Variants in DDX6 observed in about 807,000 individuals in gnomAD.
DDX6 encodes probable ATP-dependent RNA helicase DDX6.
Under a neutral mutation model 60.6 loss-of-function variants are expected in DDX6, and 7 were observed. The ratio of observed to expected loss-of-function variants is 0.12; its 90% CI spans 0.07 to 0.22. DDX6 has a LOEUF of 0.22. Among genes scored for constraint, DDX6 ranks in the 10% least tolerant of loss-of-function variants. The probability of loss-of-function intolerance (pLI) is 1.00; values close to 1 mark genes in which losing one functional copy is unlikely to be tolerated. For missense variants in DDX6, 270 were observed against 589.9 expected (o/e 0.46, Z 5.62); for synonymous variants, 207 against 201.0 (o/e 1.03, Z -0.25).
rs144020348 is a variant in DDX6, at chr11:118,764,631, C to T, written c.646+578G>A. Among the ~76,000 whole-genome samples the T allele has an allele frequency of 4.8e-3, 726 of 152,108 alleles. 8 individuals carry two copies. The highest frequency in any genetic ancestry group is 0.027 in the Middle Eastern group (8 of 294). ...CATCCTGGCTAATACGGTGAAACCCCGTCTCTACTAAAAACACAAAAATTT... is the reference window on the plus strand; with the variant it reads ...CATCCTGGCTAATACGGTGAAACCCTGTCTCTACTAAAAACACAAAAATTT... On this transcript the variant is annotated intron_variant, in intron 6 of 13. Coordinates refer to ENST00000534980, the MANE Select transcript of DDX6 (RefSeq NM_004397.6).
chr11:118,768,129 G>A, intron 5 of DDX6, 94 bp downstream of exon 5: 4 of 1,213,118 alleles, frequency 3.3e-6, no homozygotes, highest in Middle Eastern at 2.1e-4. Context: ...TTTAGATAAT[G>A]TAAATTCTGA....
At chr11:118,764,265 G>A (rs1945296869) in intron 6 of DDX6, among the ~76,000 whole-genome samples, 1 of 152,064 alleles carries the variant, frequency 6.6e-6, no homozygotes, top group Non-Finnish European at 1.5e-5. Context: ...CATTCTTGCT[G>A]TTTTGTTACC....
chr11:118,763,228 A>G lies in DDX6; in HGVS notation c.725T>C (p.Met242Thr). ...AGACATTACCTCATCCAATACTATCATCTGGACATGATCAACCTTTGCTAC... is the reference window on the plus strand; with the variant it reads ...AGACATTACCTCATCCAATACTATCGTCTGGACATGATCAACCTTTGCTAC... ...KGVAKVDHVQMIVLDEADKLL... is the reference protein window; with the variant it reads ...KGVAKVDHVQTIVLDEADKLL... The change falls in exon 7 of 14, where the codon ATG becomes ACG. Residue 242 changes from methionine (M) to threonine (T), a missense_variant. Coordinates refer to ENST00000534980, the MANE Select transcript of DDX6 (RefSeq NM_004397.6). 1.2e-6 allele frequency: 2 copies of G among 1,607,408 alleles called. No homozygotes were observed. Among genetic ancestry groups the G allele is most frequent in the Non-Finnish European group, 1.7e-6 (2 of 1,177,008 alleles).
At chr11:118,752,548 G>A (rs782133534) in intron 13 of DDX6, among the ~76,000 whole-genome samples, 23 of 152,178 alleles carry the variant, frequency 1.5e-4, no homozygotes, top group Non-Finnish European at 3.1e-4. Flanking sequence ...TGAGGTGGGC[G>A]GATCACCTGA....
chr11:118,772,902 T>C (rs782645889), intron 4 of DDX6, among the ~76,000 whole-genome samples: 2 of 152,204 alleles, frequency 1.3e-5, no homozygotes, highest in Non-Finnish European at 2.9e-5. Flanking sequence ...AGCCAAGTGG[T>C]AGACACATAG....
At chr11:118,773,857 A>G (rs1366326330) in intron 4 of DDX6, among the ~76,000 whole-genome samples, 2 of 146,164 alleles carry the variant, frequency 1.4e-5, no homozygotes, top group African/African-American at 4.9e-5. Flanking sequence ...AAAACAAAAC[A>G]CACACCAAAA....
chr11:118,769,838 G>C (rs1259368939), intron 4 of DDX6, among the ~76,000 whole-genome samples: 2 of 151,746 alleles, frequency 1.3e-5, no homozygotes, highest in Admixed American at 6.6e-5. Flanking sequence ...CTGAGTAGCT[G>C]GGACTACAGG....
intron 13 of DDX6, among the ~76,000 whole-genome samples, chr11:118,753,929 T>A (rs1187513101): frequency 6.6e-6 from 1 of 151,790 alleles, no homozygotes; most frequent in Admixed American, 6.6e-5. Flanking sequence ...ACTCCAACTC[T>A]ACTAAAAAAT....
chr11:118,787,495 A>AAC (rs1330830845), intron 1 of DDX6: 1 of 151,132 alleles, frequency 6.6e-6, no homozygotes, highest in Non-Finnish European at 1.5e-5. Flanking sequence ...AAGAAAAAAA[A>AAC]AACAAAAAAC....
intron 2 of DDX6, among the ~76,000 whole-genome samples, chr11:118,784,087 CAAA>C (rs61356183): frequency 3.1e-5 from 4 of 128,610 alleles, no homozygotes; most frequent in African/African-American, 6.0e-5. Flanking sequence ...GACCCTGTCT[CAAA>C]AAAAAAAAAA....
intron 2 of DDX6, among the ~76,000 whole-genome samples, chr11:118,781,402 T>TC (rs1861895264): frequency 6.6e-6 from 1 of 152,190 alleles, no homozygotes; most frequent in South Asian, 2.1e-4. Flanking sequence ...AAGGCATCCA[T>TC]CCTCTTAAGC....
At chr11:118,769,676 A>AC (rs372153407) in intron 4 of DDX6, among the ~76,000 whole-genome samples, 131,309 of 152,156 alleles carry the variant, frequency 0.86, 56,861 homozygotes, top group East Asian at 1. Flanking sequence ...AAAAAGCTTG[A>AC]TCGTTGAAAA....
intron 5 of DDX6, 95 bp from the exon 6 acceptor site, chr11:118,765,450 A>G: frequency 7.6e-7 from 1 of 1,315,034 alleles, no homozygotes; most frequent in Non-Finnish European, 1.1e-6. Flanking sequence ...AGCTATAGAA[A>G]TACTGCGCCT....
intron 5 of DDX6, 64 bp from the exon 6 acceptor site, chr11:118,765,419 C>CATTATTTACAAA: frequency 2.6e-6 from 4 of 1,532,794 alleles, no homozygotes; most frequent in Non-Finnish European, 3.6e-6. Flanking sequence ...TGCTATACAT[C>CATTATTTACAAA]ATTATTTACA....
intron 13 of DDX6, among the ~76,000 whole-genome samples, chr11:118,752,758 G>A (rs1478038210): frequency 6.6e-6 from 1 of 152,078 alleles, no homozygotes; most frequent in Non-Finnish European, 1.5e-5. Context: ...GCTGAGCCTT[G>A]TTTCATGCAT....
rs1591904267 is a variant in DDX6 at position 118,768,323 on chromosome 11, A to G, written c.399T>C (p.Gly133=). The G allele has an allele frequency of 6.2e-7, 1 of 1,612,770 alleles. No homozygotes were observed. Among genetic ancestry groups the G allele is most frequent in the Non-Finnish European group, 8.5e-7 (1 of 1,179,820 alleles). The stretch of plus-strand genomic sequence containing the variant: ...TTTTTGCTCTAGCTAAGATATCCCT[A>G]CCAGATAAAGCAATGGGAATGCTCT... The part of the protein sequence containing the change: ...QEESIPIALS[G]RDILARAKNG... The change falls in exon 5 of 14, where the codon GGT becomes GGC. Residue 133 remains glycine (G), a synonymous_variant. Transcript: ENST00000534980.
chr11:118,777,050 T>A (rs1465158501), intron 4 of DDX6, among the ~76,000 whole-genome samples: 2 of 151,894 alleles, frequency 1.3e-5, no homozygotes, highest in Non-Finnish European at 2.9e-5. Context: ...ACAGCTCAAT[T>A]CTTCCAGGTT....
chr11:118,750,976 A>C lies in DDX6; in HGVS notation c.*1129T>G, dbSNP rs1555157094. On this transcript the variant is annotated 3_prime_UTR_variant, in exon 14 of 14. Coordinates refer to ENST00000534980, the MANE Select transcript of DDX6 (RefSeq NM_004397.6). ...CTTTCTAGAATTTAGTGTTGCGTAAAACTGAGCCCCTCTCATCTTTAGCTG... is the reference window on the plus strand; with the variant it reads ...CTTTCTAGAATTTAGTGTTGCGTAACACTGAGCCCCTCTCATCTTTAGCTG... 1.3e-5 allele frequency: 2 copies of C among 151,820 alleles called. No individual in the cohort carries two copies. Among genetic ancestry groups the C allele is most frequent in the Non-Finnish European group, 2.9e-5 (2 of 67,926 alleles). The allele number at this position is 151,820 out of a possible 1,614,324, so 9.4% of individuals were successfully genotyped here.
At chr11:118,790,522 C>T (rs949401970) in intron 1 of DDX6, among the ~76,000 whole-genome samples, 4 of 152,102 alleles carry the variant, frequency 2.6e-5, no homozygotes, top group Non-Finnish European at 4.4e-5. Context: ...CCCTCCAATA[C>T]AGCATGTCCC....
Sources: gnomAD v4.1 joint callset for allele counts (sites outside exome capture counted in the v4.1 genomes callset) on GRCh38, gnomAD v4.1.1 for gene constraint, MANE v1.5 for transcripts, NCBI Gene and HGNC (gene_info 2026-07-23, HGNC 2026-07-21) for gene names.